Variants in BARD1 observed in about 807,000 individuals in gnomAD.
BARD1 encodes BRCA1 associated RING domain 1.
Under a neutral mutation model 77.0 loss-of-function variants are expected in BARD1, and 73 were observed. That is an observed-to-expected ratio of 0.95 (90% CI 0.79 to 1.15). The LOEUF is 1.15. BARD1 is among the 50% of genes most tolerant of loss of function. The pLI, the probability that BARD1 is intolerant of heterozygous loss-of-function variation, is 0.00. For synonymous variants in BARD1, 384 were observed against 338.0 expected, an observed-to-expected ratio of 1.14 and a Z score of -1.49; for missense variants, 993 against 938.8, an observed-to-expected ratio of 1.06 and a Z score of -0.75.
At chr2:214,763,485 G>A (rs1042995340) in intron 6 of BARD1, among the ~76,000 whole-genome samples, 6 of 152,178 alleles carry the variant, frequency 3.9e-5, no homozygotes, top group Non-Finnish European at 8.8e-5. Flanking sequence ...CTTCAACCTT[G>A]AGGTCATGAA....
chr2:214,768,554 G>A (rs1318480907), intron 5 of BARD1, among the ~76,000 whole-genome samples: 1 of 139,896 alleles, frequency 7.1e-6, no homozygotes, highest in Admixed American at 7.5e-5. Flanking sequence ...CCTACTGAGA[G>A]TCTCCTAATT....
intron 9 of BARD1, among the ~76,000 whole-genome samples, chr2:214,734,204 A>G (rs1369011268): frequency 6.6e-6 from 1 of 152,158 alleles, no homozygotes; most frequent in African/African-American, 2.4e-5. Context: ...AGTATTAATG[A>G]TTTACATGTA....
chr2:214,790,124 T>C (rs1055327808), intron 3 of BARD1, among the ~76,000 whole-genome samples: 1 of 152,092 alleles, frequency 6.6e-6, no homozygotes, highest in Non-Finnish European at 1.5e-5. Flanking sequence ...TAGAATAAAA[T>C]TTCTGGAAAG....
chr2:214,745,636 T>C, intron 8 of BARD1, 86 bp downstream of exon 8: 2 of 1,516,670 alleles, frequency 1.3e-6, no homozygotes, highest in South Asian at 2.3e-5. Context: ...GGTTAAAACA[T>C]ATGTAAATTA....
intron 3 of BARD1, among the ~76,000 whole-genome samples, chr2:214,790,562 C>G (rs1014403956): frequency 6.6e-6 from 1 of 152,146 alleles, no homozygotes; most frequent in Non-Finnish European, 1.5e-5. Context: ...TCTCAGACTT[C>G]CAGTGTCTGG....
intron 9 of BARD1, 104 bp downstream of exon 9, chr2:214,744,963 A>G: frequency 9.6e-7 from 1 of 1,036,414 alleles, no homozygotes; most frequent in Non-Finnish European, 1.5e-6. Context: ...GACTAACCAG[A>G]GGTAAGAAAA....
At chr2:214,745,616 A>G in intron 8 of BARD1, 106 bp downstream of exon 8, 2 of 1,406,380 alleles carry the variant, frequency 1.4e-6, no homozygotes, top group Non-Finnish European at 2.0e-6. Flanking sequence ...GTATACAGCC[A>G]TCTCCCAATG....
chr2:214,803,236 A>G (rs924620777), intron 1 of BARD1, among the ~76,000 whole-genome samples: 1 of 151,874 alleles, frequency 6.6e-6, no homozygotes. Flanking sequence ...GTTTCTCCCC[A>G]TGTGATAGTC....
intron 1 of BARD1, 66 bp downstream of exon 1, chr2:214,809,346 T>C: frequency 6.3e-7 from 1 of 1,595,392 alleles, no homozygotes; most frequent in Non-Finnish European, 8.5e-7. Flanking sequence ...TTGAAAAGAT[T>C]CTGCCGCCCC....
chr2:214,737,228 A>G (rs1315354989), intron 9 of BARD1, among the ~76,000 whole-genome samples: 1 of 152,134 alleles, frequency 6.6e-6, no homozygotes, highest in Non-Finnish European at 1.5e-5. Context: ...ATATATAAAA[A>G]TTAATTATGT....
At chr2:214,754,320 C>A (rs1454181913) in intron 6 of BARD1, among the ~76,000 whole-genome samples, 4 of 149,340 alleles carry the variant, frequency 2.7e-5, no homozygotes, top group Non-Finnish European at 4.5e-5. Context: ...CCAGCCTGAG[C>A]AAGAGATACT....
In BARD1 at chr2:214,798,594, C is replaced by T. The variant is rs79183195; in HGVS notation, c.159-1477G>A. The stretch of plus-strand genomic sequence containing the variant: ...GAAAGAAGTCCATTCAGTTTCCTAG[C>T]ACCTTGGATTCCCTATCCAGCCCAG... On this transcript the variant is annotated intron_variant, in intron 1 of 10. Coordinates refer to ENST00000260947, the MANE Select transcript of BARD1 (RefSeq NM_000465.4). Among the ~76,000 whole-genome samples, 1,126 of 151,978 alleles carry T rather than the reference C, an allele frequency of 7.4e-3. 13 individuals carry two copies. The highest frequency in any genetic ancestry group is 0.025 in the African/African-American group (1,027 of 41,456).
At chr2:214,735,201 T>A (rs889146425) in intron 9 of BARD1, among the ~76,000 whole-genome samples, 1 of 152,160 alleles carries the variant, frequency 6.6e-6, no homozygotes, top group Non-Finnish European at 1.5e-5. Flanking sequence ...ACCATCTTCT[T>A]GAGCTTAGAC....
intron 9 of BARD1, among the ~76,000 whole-genome samples, chr2:214,739,224 T>C (rs1398360976): frequency 3.3e-5 from 5 of 151,928 alleles, no homozygotes; most frequent in Admixed American, 2.6e-4. Context: ...TAACCACTTT[T>C]AGTCAATACA....
Position 214,769,326 on chromosome 2 carries a change from C to T in BARD1, c.1315-14G>A, listed in dbSNP as rs754486162. 6.3e-7 allele frequency: 1 copy of T among 1,598,802 alleles called. No homozygotes were observed. The highest frequency in any genetic ancestry group is 2.2e-5 in the East Asian group (1 of 44,732). On this transcript the variant is annotated splice_polypyrimidine_tract_variant and intron_variant, in intron 4 of 10. Coordinates refer to ENST00000260947, the MANE Select transcript of BARD1 (RefSeq NM_000465.4). ...AGGTATGTCGCCCTAGAAAAATGAA[C>T]AAAACGGAAATTAAAAAGCATTAAG...
chr2:214,751,327 T>G (rs1232420704), intron 7 of BARD1, among the ~76,000 whole-genome samples: 1 of 150,114 alleles, frequency 6.7e-6, no homozygotes, highest in Non-Finnish European at 1.5e-5. Flanking sequence ...TCAGCTAATT[T>G]TTGTATTTTT....
intron 7 of BARD1, 89 bp downstream of exon 7, chr2:214,752,357 AT>A: frequency 9.1e-7 from 1 of 1,100,520 alleles, no homozygotes; most frequent in Non-Finnish European, 1.4e-6. Flanking sequence ...AATGTAAGCA[AT>A]TGGTCAAATG....
At position 214,769,323 on chromosome 2, in the gene BARD1, GAAC is replaced by G. The variant is rs1353760975; in HGVS notation, c.1315-14_1315-12del. 3 of 1,598,668 alleles carry G rather than the reference GAAC, an allele frequency of 1.9e-6. No individual in the cohort carries two copies. Among genetic ancestry groups the G allele is most frequent in the Non-Finnish European group, 2.6e-6 (3 of 1,166,150 alleles). ...AGAAGGTATGTCGCCCTAGAAAAAT[GAAC>G]AAAACGGAAATTAAAAAGCATTAAG... On this transcript the variant is annotated splice_polypyrimidine_tract_variant and intron_variant, in intron 4 of 10. Transcript: ENST00000260947.
intron 4 of BARD1, among the ~76,000 whole-genome samples, chr2:214,769,687 G>A (rs6435858): frequency 0.73 from 111,098 of 152,090 alleles, 42,107 homozygotes; most frequent in East Asian, 0.95. Flanking sequence ...GTTGCAGTGA[G>A]CCAAGATCAT....
Sources: allele counts gnomAD v4.1 joint callset (sites outside exome capture counted in the v4.1 genomes callset), GRCh38; gene constraint gnomAD v4.1.1; transcripts MANE v1.5; gene names NCBI Gene and HGNC (gene_info 2026-07-23, HGNC 2026-07-21).